Variants in PLEKHG5 observed in about 807,000 individuals in gnomAD.
PLEKHG5 encodes the protein pleckstrin homology and RhoGEF domain containing G5.
A neutral mutation model predicts 103.8 loss-of-function variants in PLEKHG5; 52 were observed. The ratio of observed to expected loss-of-function variants is 0.50; its 90% CI spans 0.40 to 0.63. The LOEUF (loss-of-function observed/expected upper bound fraction) is 0.63. Among genes scored for constraint, PLEKHG5 ranks in the 30% least tolerant of loss-of-function variants. The pLI is 0.00. For missense variants in PLEKHG5, 1,205 were observed against 1,347.6 expected, an observed-to-expected ratio of 0.89 and a Z score of 1.66; for synonymous variants, 592 against 575.5, an observed-to-expected ratio of 1.03 and a Z score of -0.41.
Position 6,471,088 on chromosome 1 carries a change from A to T in PLEKHG5, c.1294T>A (p.Phe432Ile). 1 of 1,585,926 alleles carries T rather than the reference A, an allele frequency of 6.3e-7. No individual in the cohort carries two copies. The highest frequency in any genetic ancestry group is 1.1e-5 in the South Asian group (1 of 86,962). Residue 432 changes from phenylalanine to isoleucine, a missense_variant, in exon 13 of 21, where the codon TTC (phenylalanine) becomes ATC (isoleucine). Coordinates refer to ENST00000377728, the MANE Select transcript of PLEKHG5 (RefSeq NM_020631.6). ...ATGCAGTAGCGGATGTAGGGCTTGA[A>T]GAGCGAGCCGAACTGGCCCGGGGCA... ...LKGFKMFGSL[F>I]KPYIRYCMEE...
chr1:6,484,137 T>C (rs572462101), intron 1 of PLEKHG5, among the ~76,000 whole-genome samples: 2 of 152,316 alleles, frequency 1.3e-5, no homozygotes, highest in South Asian at 4.1e-4. Context: ...ATCAATCCAA[T>C]ATACAGACAG....
chr1:6,496,537 G>A (rs757771184), upstream of PLEKHG5: 4 of 1,597,862 alleles, frequency 2.5e-6, no homozygotes, highest in Admixed American at 1.7e-5. Flanking sequence ...TTCTGACAGC[G>A]CAGTCCCTTC....
chr1:6,482,619 C>T (rs951834252), intron 1 of PLEKHG5, among the ~76,000 whole-genome samples: 4 of 152,216 alleles, frequency 2.6e-5, no homozygotes, highest in Non-Finnish European at 4.4e-5. Context: ...GGTGAAATGA[C>T]TTGTCTAAGG....
rs1243221708 is a variant in PLEKHG5 at position 6,470,849 on chromosome 1, C to T, written c.1428G>A (p.Lys476=). The T allele has an allele frequency of 1.5e-5, 23 of 1,576,744 alleles. No homozygotes were observed. Among genetic ancestry groups the T allele is most frequent in the Non-Finnish European group, 1.8e-5 (21 of 1,161,270 alleles). ...AEKHPQCQRL[K]LSDMLAKPHQ... ...GGGGTTTGGCCAGCATGTCGCTCAGCTTCAGCCTCTGGCACTGTGGGTGCT... is the reference window on the plus strand; with the variant it reads ...GGGGTTTGGCCAGCATGTCGCTCAGTTTCAGCCTCTGGCACTGTGGGTGCT... The change falls in exon 14 of 21, where the codon AAG becomes AAA. Residue 476 remains lysine, a synonymous_variant. Coordinates refer to ENST00000377728, the MANE Select transcript of PLEKHG5 (RefSeq NM_020631.6).
At chr1:6,473,936 C>T (rs1193611632) in intron 7 of PLEKHG5, 77 bp downstream of exon 7, 12 of 1,394,992 alleles carry the variant, frequency 8.6e-6, no homozygotes, top group Admixed American at 2.1e-5. Flanking sequence ...CCCAGGGTGA[C>T]TGCCTCTGAG....
chr1:6,477,809 T>A (rs1569898979), intron 1 of PLEKHG5, 151 bp from the exon 2 acceptor site: 1 of 684,582 alleles, frequency 1.5e-6, no homozygotes, highest in East Asian at 2.8e-5. Flanking sequence ...CTCTCCCACA[T>A]CATCAAGTTT....
At chr1:6,495,009 A>G (rs1645201657), upstream of PLEKHG5, among the ~76,000 whole-genome samples, 1 of 152,174 alleles carries the variant, frequency 6.6e-6, no homozygotes, top group Non-Finnish European at 1.5e-5. Context: ...AGGCTGGGCC[A>G]TCCCACCCCT....
upstream of PLEKHG5, chr1:6,496,943 T>C: frequency 6.6e-7 from 1 of 1,512,650 alleles, no homozygotes; most frequent in Non-Finnish European, 8.8e-7. Flanking sequence ...AGATCCCAGA[T>C]CCCTGAGAAC....
At chr1:6,516,217 T>A (rs1181804721) in intron 1 of PLEKHG5, among the ~76,000 whole-genome samples, 1 of 151,866 alleles carries the variant, frequency 6.6e-6, no homozygotes, top group East Asian at 1.9e-4. Context: ...AGCCCAGGAC[T>A]TTCAGAGACC....
chr1:6,507,507 G>C (rs1300390613), intron 1 of PLEKHG5, among the ~76,000 whole-genome samples: 2 of 152,188 alleles, frequency 1.3e-5, no homozygotes, highest in Non-Finnish European at 2.9e-5. Context: ...CAGCCTGCCA[G>C]GTCTGAAGGA....
intron 5 of PLEKHG5, 148 bp from the exon 6 acceptor site, chr1:6,474,735 G>C (rs1016486644): frequency 6.5e-6 from 5 of 773,028 alleles, no homozygotes; most frequent in Non-Finnish European, 4.2e-6. Flanking sequence ...GGGATCACAC[G>C]CAGGTCCACA....
intron 7 of PLEKHG5, 130 bp from the exon 8 acceptor site, chr1:6,473,584 C>T: frequency 1.4e-6 from 1 of 700,342 alleles, no homozygotes. Context: ...CCTGGGGTGT[C>T]CCCTCTCCTG....
At position 6,501,945 on chromosome 1, in the gene PLEKHG5, G is replaced by A. The variant is rs1018347164; in HGVS notation, c.-164-5376C>T. On this transcript the variant is annotated intron_variant, in intron 1 of 21. Coordinates refer to the PLEKHG5 transcript ENST00000377740. The surrounding 1 kb of genome is among the most constrained non-coding windows in gnomAD (Gnocchi z 4.3). ...GAACCCTTCTGTCTCAAGAAAACAGGCCCTCCCTGCCCACGACCTCCCAAC... is the reference window on the plus strand; with the variant it reads ...GAACCCTTCTGTCTCAAGAAAACAGACCCTCCCTGCCCACGACCTCCCAAC... Among the ~76,000 whole-genome samples the A allele has an allele frequency of 4.9e-4, 75 of 152,272 alleles. No homozygotes were observed. The highest frequency in any genetic ancestry group is 1.8e-3 in the African/African-American group (75 of 41,548).
In PLEKHG5 at chr1:6,486,868, T is replaced by C. The variant is rs1198365742; in HGVS notation, c.-88+4769A>G. On this transcript the variant is annotated intron_variant, in intron 1 of 20. Coordinates refer to ENST00000377728, the MANE Select transcript of PLEKHG5 (RefSeq NM_020631.6). The surrounding 1 kb of genome is among the most constrained non-coding windows in gnomAD (Gnocchi z 5.3). ...CTCTGGGATTCTGGGATGGCCTCCT[T>C]GGGACACTCCTCAGAACCCATGGGG... is the stretch of plus-strand genomic sequence containing the variant. Among the ~76,000 whole-genome samples the C allele has an allele frequency of 6.6e-6, 1 of 152,198 alleles. No homozygotes were observed. The highest frequency in any genetic ancestry group is 1.9e-4 in the East Asian group (1 of 5,194).
At chr1:6,513,303 G>C (rs1638527910) in intron 1 of PLEKHG5, among the ~76,000 whole-genome samples, 1 of 152,260 alleles carries the variant, frequency 6.6e-6, no homozygotes. Context: ...GTCCAGCTGG[G>C]CTCCACCTCA....
chr1:6,471,322 C>T, intron 12 of PLEKHG5, 166 bp downstream of exon 12: 1 of 881,034 alleles, frequency 1.1e-6, no homozygotes, highest in Non-Finnish European at 1.7e-6. Context: ...AGGCTCAAAC[C>T]CGGGCGACCG....
chr1:6,469,266 G>C, intron 18 of PLEKHG5, 25 bp from the exon 19 acceptor site: 1 of 1,613,806 alleles, frequency 6.2e-7, no homozygotes, highest in Non-Finnish European at 8.5e-7. Context: ...GGGGTACATG[G>C]GACAGAATGG....
chr1:6,485,794 A>C, intron 1 of PLEKHG5: 222 of 565,464 alleles, frequency 3.9e-4, no homozygotes, highest in Non-Finnish European at 4.5e-4. Context: ...AGTCCCCGGG[A>C]CCCCCACCTT....
At chr1:6,475,616 C>G in intron 3 of PLEKHG5, 94 bp from the exon 4 acceptor site, 1 of 1,092,740 alleles carries the variant, frequency 9.2e-7, no homozygotes, top group Non-Finnish European at 1.4e-6. Context: ...GCCCTTGGCT[C>G]ACCCCAGGTG....
Sources: gnomAD v4.1 joint callset for allele counts (sites outside exome capture counted in the v4.1 genomes callset) on GRCh38, gnomAD v4.1.1 for gene constraint, Gnocchi (gnomAD v3.1) non-coding constraint, MANE v1.5 for transcripts, NCBI Gene and HGNC (gene_info 2026-07-23, HGNC 2026-07-21) for gene names.